The following CTNS variants were observed in gnomAD, a reference collection of about 807,000 sequenced individuals.
The protein encoded by CTNS is cystinosin.
CTNS carries 27 observed loss-of-function variants against 43.7 expected under a neutral mutation model. The ratio of observed to expected loss-of-function variants is 0.62; its 90% CI spans 0.46 to 0.85. The LOEUF (loss-of-function observed/expected upper bound fraction) is 0.85. Ranked by LOEUF, CTNS falls within the 40% of genes least tolerant of loss-of-function variation. The pLI is 0.00. For missense variants in CTNS, 457 were observed against 475.4 expected (o/e 0.96, Z 0.36); for synonymous variants, 187 against 190.6 (o/e 0.98, Z 0.16).
rs1034616395 is a variant in CTNS, at chr17:3,659,796, C to A, written c.853-62C>A. The stretch of plus-strand genomic sequence containing the variant: ...TTTGTTTGGAGGGGCAGTCACGAGG[C>A]GCATGAGGCAGCCGCCCAGCCCTCA... On this transcript the variant is annotated intron_variant, in intron 10 of 11. Coordinates refer to ENST00000046640, the MANE Select transcript of CTNS (RefSeq NM_004937.3). The A allele has an allele frequency of 4.9e-6, 6 of 1,216,290 alleles. No individual in the cohort carries two copies. The African/African-American group carries it at 6.0e-5, about 12-fold the overall frequency. The allele number at this position is 1,216,290 out of a possible 1,614,324, so 75.3% of individuals were successfully genotyped here.
At chr17:3,656,988 G>A in intron 9 of CTNS, 193 bp downstream of exon 9, 1 of 818,828 alleles carries the variant, frequency 1.2e-6, no homozygotes. Flanking sequence ...GAGGGACTCA[G>A]GGAGAGGCAG....
Position 3,655,371 on chromosome 17 carries a change from T to C in CTNS, c.461+19T>C, listed in dbSNP as rs775633589. 6.2e-7 allele frequency: 1 copy of C among 1,613,720 alleles called. No homozygotes were observed. The highest frequency in any genetic ancestry group is 8.5e-7 in the Non-Finnish European group (1 of 1,179,972). On this transcript the variant is annotated intron_variant, in intron 7 of 11. Coordinates refer to ENST00000046640, the MANE Select transcript of CTNS (RefSeq NM_004937.3). Reference sequence around the variant, plus strand: ...GGAAAAGGTAACCCCCTGGGCCGTATGTGCAGGCTCTCTCGGGGCCCCTAG... The same window carrying C: ...GGAAAAGGTAACCCCCTGGGCCGTACGTGCAGGCTCTCTCGGGGCCCCTAG...
At position 3,636,782 on chromosome 17, in the gene CTNS, G is replaced by A. The variant is rs2075539156; in HGVS notation, c.-279G>A. 6.6e-6 allele frequency: 1 copy of A among 152,626 alleles called. No individual in the cohort carries two copies. The highest frequency in any genetic ancestry group is 2.4e-5 in the African/African-American group (1 of 41,480). The allele number at this position is 152,626 out of a possible 1,614,324, so 9.5% of individuals were successfully genotyped here. A position where few individuals can be genotyped will look rare whatever the true frequency, so the allele number is the denominator to read the frequency against. ...GGTGCATTCCTGACCGGCACCTGGC[G>A]AGGCTCATGCGTCCCGTGAGGGCGG... On this transcript the variant is annotated 5_prime_UTR_variant, in exon 1 of 12. Transcript: ENST00000046640.
At chr17:3,640,553 C>G (rs1370895391) in intron 3 of CTNS, among the ~76,000 whole-genome samples, 2 of 152,220 alleles carry the variant, frequency 1.3e-5, no homozygotes, top group Non-Finnish European at 2.9e-5. Context: ...GACTATGCAG[C>G]TGATTCTCAA....
At chr17:3,643,217 G>C (rs1035144068) in intron 3 of CTNS, among the ~76,000 whole-genome samples, 1 of 151,998 alleles carries the variant, frequency 6.6e-6, no homozygotes, top group African/African-American at 2.4e-5. Flanking sequence ...GGGAGGCTGA[G>C]ACAGGAGAAT....
intron 3 of CTNS, among the ~76,000 whole-genome samples, chr17:3,642,142 C>CGTGT (rs75793503): frequency 0.036 from 5,334 of 146,352 alleles, 358 homozygotes; most frequent in African/African-American, 0.13. Flanking sequence ...TGTGCCCGGG[C>CGTGT]GTGTGTGTGT....
At chr17:3,651,291 C>A (rs1169337331) in intron 5 of CTNS, among the ~76,000 whole-genome samples, 2 of 152,148 alleles carry the variant, frequency 1.3e-5, no homozygotes, top group Non-Finnish European at 2.9e-5. Context: ...GATGGGGTTT[C>A]ACCATGTTTG....
intron 4 of CTNS, 100 bp downstream of exon 4, chr17:3,647,622 A>G: frequency 9.7e-7 from 1 of 1,035,356 alleles, no homozygotes; most frequent in Admixed American, 1.8e-5. Context: ...CAGATGCGCT[A>G]TTCTTGCCTC....
intron 2 of CTNS, 120 bp from the exon 3 acceptor site, chr17:3,640,068 C>A: frequency 1.2e-6 from 1 of 809,158 alleles, no homozygotes; most frequent in Non-Finnish European, 2.2e-6. Flanking sequence ...GCCCTGAGGT[C>A]ACAGCTGTCA....
At position 3,660,890 on chromosome 17, in the gene CTNS, C is replaced by A. The variant is rs1418695721; in HGVS notation, c.*521C>A. 3 of 1,087,074 alleles carry A rather than the reference C, an allele frequency of 2.8e-6. No individual in the cohort carries two copies. Among genetic ancestry groups the A allele is most frequent in the African/African-American group, 1.5e-5 (1 of 64,604 alleles). 67.3% of individuals were successfully genotyped at this position (1,087,074 alleles called of 1,614,324 possible). A position where few individuals can be genotyped will look rare whatever the true frequency, so the allele number is the denominator to read the frequency against. ...GGGCTCTTTCTCTGAAGGCCACTTTCCTGACGTACTCTCTGTACATAACTC... is the reference window on the plus strand; with the variant it reads ...GGGCTCTTTCTCTGAAGGCCACTTTACTGACGTACTCTCTGTACATAACTC... On this transcript the variant is annotated 3_prime_UTR_variant, in exon 12 of 12. Transcript: ENST00000046640.
intron 3 of CTNS, among the ~76,000 whole-genome samples, chr17:3,641,279 C>T (rs889608604): frequency 6.8e-6 from 1 of 148,086 alleles, no homozygotes; most frequent in African/African-American, 2.5e-5. Context: ...CATAAAGAGC[C>T]ATGTTTAGCA....
At chr17:3,659,402 C>G (rs2076233276) in intron 10 of CTNS, among the ~76,000 whole-genome samples, 1 of 152,236 alleles carries the variant, frequency 6.6e-6, no homozygotes, top group Non-Finnish European at 1.5e-5. Flanking sequence ...TTGCCCAAGA[C>G]AGCAGGCTCC....
rs1266272912 is a variant in CTNS, at chr17:3,656,020, C to T, written c.462-467C>T. 4.1e-5 allele frequency: 13 copies of T among 318,442 alleles called. No homozygotes were observed. In the East Asian group the frequency reaches 1.0e-3, roughly 24 times the overall value. The allele number at this position is 318,442 out of a possible 1,614,324, so 19.7% of individuals were successfully genotyped here. ...GTCCTCCTTCCCCGTGGCCTGGGAG[C>T]CCTGTCCCTCCCATTCCCCACAGTG... On this transcript the variant is annotated intron_variant, in intron 7 of 11. Coordinates refer to ENST00000046640, the MANE Select transcript of CTNS (RefSeq NM_004937.3).
At chr17:3,650,656 C>T (rs1032914274) in intron 5 of CTNS, 2 of 217,136 alleles carry the variant, frequency 9.2e-6, no homozygotes, top group Admixed American at 5.1e-5. Flanking sequence ...GGCCAGCATG[C>T]AGAGCCGGTG....
intron 3 of CTNS, among the ~76,000 whole-genome samples, chr17:3,646,502 C>T (rs867146410): frequency 5.3e-5 from 8 of 152,126 alleles, no homozygotes; most frequent in African/African-American, 1.4e-4. Context: ...TTGGCCAGGA[C>T]GGTCTTGATC....
chr17:3,643,365 G>A (rs1188601421), intron 3 of CTNS, among the ~76,000 whole-genome samples: 2 of 152,136 alleles, frequency 1.3e-5, no homozygotes, highest in East Asian at 3.9e-4. Flanking sequence ...TAGAAAATGG[G>A]AGCTCGGTGT....
In CTNS at chr17:3,660,021, G is replaced by C. The variant is rs201948721; in HGVS notation, c.970+46G>C. The C allele has an allele frequency of 1.4e-4, 214 of 1,542,192 alleles. No individual in the cohort carries two copies. The African/African-American group carries it at 2.6e-3, about 19-fold the overall frequency. ...CTGGCCACCCTGCGGCTGGGGCATC[G>C]GGCGGGGCCAGCCTTCCCGGGACCT... On this transcript the variant is annotated intron_variant, in intron 11 of 11. Coordinates refer to ENST00000046640, the MANE Select transcript of CTNS (RefSeq NM_004937.3).
rs1597670180 is a variant in CTNS, at chr17:3,661,839, T to TG, written c.*1475dup. ...ACACCAGCACTGGGAGCGGGGGCAG[T>TG]GGGGGTCTTATTCTCCAGACGCTTC... On this transcript the variant is annotated 3_prime_UTR_variant, in exon 12 of 12. Transcript: ENST00000046640. Among the ~76,000 whole-genome samples, 2 of 152,190 alleles carry TG rather than the reference T, an allele frequency of 1.3e-5. No individual in the cohort carries two copies. Among genetic ancestry groups the TG allele is most frequent in the Admixed American group, 6.5e-5 (1 of 15,284 alleles).
rs869072123 is a variant in CTNS, at chr17:3,641,384, A to AT, written c.61+1142dup. Among the ~76,000 whole-genome samples, 44 of 31,208 alleles carry AT rather than the reference A, an allele frequency of 1.4e-3. 1 individual carries two copies. Among genetic ancestry groups the AT allele is most frequent in the South Asian group, 4.1e-3 (2 of 492 alleles). The allele number at this position is 31,208 out of a possible 152,430, so 20.5% of individuals were successfully genotyped here. On this transcript the variant is annotated intron_variant, in intron 3 of 11. Coordinates refer to ENST00000046640, the MANE Select transcript of CTNS (RefSeq NM_004937.3). ...CATATATATATATATATATATATAT[A>AT]TTTTTTTTTTTTTTTTTTTTTTTTT...
Sources: allele counts gnomAD v4.1 joint callset (sites outside exome capture counted in the v4.1 genomes callset), GRCh38; gene constraint gnomAD v4.1.1; transcripts MANE v1.5; gene names NCBI Gene and HGNC (gene_info 2026-07-23, HGNC 2026-07-21).